RNF152: variants seen among roughly 807,000 people sequenced by gnomAD.
The protein encoded by RNF152 is ring finger protein 152, also known as E3 ubiquitin-protein ligase RNF152.
RNF152 carries 11 observed loss-of-function variants against 12.7 expected under a neutral mutation model. That is an observed-to-expected ratio of 0.86 (90% CI 0.54 to 1.43). The LOEUF is 1.43. Ranked by LOEUF, RNF152 falls within the 40% of genes most tolerant of loss-of-function variation. RNF152 has a pLI of 0.00. For missense variants in RNF152, 255 were observed against 274.8 expected (o/e 0.93, Z 0.51); for synonymous variants, 113 against 120.3 (o/e 0.94, Z 0.40).
intron 1 of RNF152, among the ~76,000 whole-genome samples, chr18:61,831,459 G>A (rs865838496): frequency 6.6e-6 from 1 of 152,062 alleles, no homozygotes; most frequent in Non-Finnish European, 1.5e-5. Context: ...ATTCAATAAC[G>A]CCAGGATGAA....
At chr18:61,829,597 GGAGAGA>G (rs111850940) in intron 1 of RNF152, among the ~76,000 whole-genome samples, 3 of 142,196 alleles carry the variant, frequency 2.1e-5, no homozygotes, top group East Asian at 4.1e-4. Flanking sequence ...AGAGAGATAA[GGAGAGA>G]GAGAGAGAGA....
At position 61,811,780 on chromosome 18, in the gene RNF152, T is replaced by C. The variant is rs1239880996; in HGVS notation, c.*4072A>G. ...CATTTACTTTTTGGCCACAAGACCC[T>C]AGACACAATTTCACAGTACAGATCA... On this transcript the variant is annotated 3_prime_UTR_variant, in exon 2 of 2. Coordinates refer to ENST00000312828, the MANE Select transcript of RNF152 (RefSeq NM_173557.3). 1 of 152,202 alleles carries C rather than the reference T, an allele frequency of 6.6e-6. No homozygotes were observed. The highest frequency in any genetic ancestry group is 1.5e-5 in the Non-Finnish European group (1 of 68,040). 9.4% of individuals were successfully genotyped at this position (152,202 alleles called of 1,614,324 possible).
At chr18:61,821,523 C>G (rs1457589269) in intron 1 of RNF152, among the ~76,000 whole-genome samples, 2 of 152,168 alleles carry the variant, frequency 1.3e-5, no homozygotes, top group African/African-American at 2.4e-5. Context: ...TAAAGATGTG[C>G]ATCAACTATA....
Position 61,885,230 on chromosome 18 carries a change from T to G in RNF152, c.-136+7565A>C, listed in dbSNP as rs572486743. On this transcript the variant is annotated intron_variant, in intron 1 of 1. Coordinates refer to ENST00000312828, the MANE Select transcript of RNF152 (RefSeq NM_173557.3). ...CAAACCTACCCCAGAACAACACAAC[T>G]GCAAAAGAATATCACAACAAATACT... Among the ~76,000 whole-genome samples, 3 of 152,328 alleles carry G rather than the reference T, an allele frequency of 2.0e-5. No individual in the cohort carries two copies. The East Asian group carries it at 5.8e-4, about 29-fold the overall frequency.
intron 1 of RNF152, among the ~76,000 whole-genome samples, chr18:61,852,680 T>C (rs1911040532): frequency 6.6e-6 from 1 of 152,186 alleles, no homozygotes; most frequent in African/African-American, 2.4e-5. Context: ...GTGCTGTGGT[T>C]TGGCTTCCTG....
intron 1 of RNF152, among the ~76,000 whole-genome samples, chr18:61,858,448 C>T (rs1911322196): frequency 6.6e-6 from 1 of 152,094 alleles, no homozygotes; most frequent in African/African-American, 2.4e-5. Flanking sequence ...AACCGTATAC[C>T]CTAGGATGAG....
upstream of RNF152, among the ~76,000 whole-genome samples, chr18:61,893,961 G>C (rs1453873288): frequency 6.6e-6 from 1 of 151,584 alleles, no homozygotes; most frequent in Non-Finnish European, 1.5e-5. Flanking sequence ...CCCTCCCCGG[G>C]ACCCTGCGGC....
At chr18:61,873,577 C>T (rs2144741830) in intron 1 of RNF152, among the ~76,000 whole-genome samples, 1 of 152,194 alleles carries the variant, frequency 6.6e-6, no homozygotes, top group Non-Finnish European at 1.5e-5. Flanking sequence ...TCAGGTGATC[C>T]ACCCACCTCA....
At chr18:61,872,342 G>C (rs1326989021) in intron 1 of RNF152, among the ~76,000 whole-genome samples, 1 of 152,168 alleles carries the variant, frequency 6.6e-6, no homozygotes, top group African/African-American at 2.4e-5. Flanking sequence ...ACCACATCAG[G>C]TAGCAAACCT....
intron 1 of RNF152, among the ~76,000 whole-genome samples, chr18:61,825,451 G>C (rs1396058755): frequency 6.6e-6 from 1 of 152,224 alleles, no homozygotes; most frequent in Non-Finnish European, 1.5e-5. Context: ...CCACTCCAGA[G>C]ATACTGGAGA....
chr18:61,816,395 G>A lies in RNF152; in HGVS notation c.69C>T (p.Arg23=), dbSNP rs1909091386. ...QICFNYYSPR[R]RPKLLDCKHT... ...GCTTGCAGTCCAGCAACTTGGGCCT[G>A]CGCCGGGGGCTGTAGTAATTGAAAC... Residue 23 remains arginine, a synonymous_variant, in exon 2 of 2, where the codon CGC becomes CGT. Transcript: ENST00000312828. 6.2e-7 allele frequency: 1 copy of A among 1,614,108 alleles called. No homozygotes were observed. Among genetic ancestry groups the A allele is most frequent in the African/African-American group, 1.3e-5 (1 of 75,082 alleles).
intron 1 of RNF152, among the ~76,000 whole-genome samples, chr18:61,883,521 T>C (rs1258397323): frequency 6.6e-6 from 1 of 152,192 alleles, no homozygotes; most frequent in East Asian, 1.9e-4. Context: ...CTACTAACAA[T>C]GTTAGATCTC....
At chr18:61,869,246 C>G (rs558883608) in intron 1 of RNF152, among the ~76,000 whole-genome samples, 17 of 152,284 alleles carry the variant, frequency 1.1e-4, no homozygotes, top group African/African-American at 3.8e-4. Context: ...ACTGCTAACT[C>G]CACAAAATCA....
chr18:61,846,231 CT>C (rs1366976184), intron 1 of RNF152, among the ~76,000 whole-genome samples: 1 of 152,176 alleles, frequency 6.6e-6, no homozygotes, highest in Non-Finnish European at 1.5e-5. Flanking sequence ...TTGTTCTTGC[CT>C]TTTCCTCAAT....
In RNF152 at chr18:61,814,579, A is replaced by G. The variant is rs1397749584; in HGVS notation, c.*1273T>C. 1 of 152,220 alleles carries G rather than the reference A, an allele frequency of 6.6e-6. No homozygotes were observed. Among genetic ancestry groups the G allele is most frequent in the Admixed American group, 6.5e-5 (1 of 15,286 alleles). 9.4% of individuals were successfully genotyped at this position (152,220 alleles called of 1,614,324 possible). ...CAGTTTATGAGGAACTGGTCCACTT[A>G]TATTGGGAATTTGAGCTGTTAGTTT... On this transcript the variant is annotated 3_prime_UTR_variant, in exon 2 of 2. Transcript: ENST00000312828.
At chr18:61,825,488 T>C (rs971262645) in intron 1 of RNF152, among the ~76,000 whole-genome samples, 44 of 152,212 alleles carry the variant, frequency 2.9e-4, no homozygotes, top group African/African-American at 1.1e-3. Context: ...GGAAGGACAG[T>C]GGCATTTCCT....
intron 1 of RNF152, among the ~76,000 whole-genome samples, chr18:61,817,068 C>T (rs748290322): frequency 3.9e-5 from 6 of 152,232 alleles, no homozygotes; most frequent in Non-Finnish European, 8.8e-5. Context: ...TAGGCAACTT[C>T]ACAAACCTAG....
intron 1 of RNF152, among the ~76,000 whole-genome samples, chr18:61,836,210 G>C (rs1910175789): frequency 6.6e-6 from 1 of 152,076 alleles, no homozygotes; most frequent in African/African-American, 2.4e-5. Context: ...AGTGAGCCTG[G>C]AATGTCCTTT....
At chr18:61,841,609 T>C (rs1366185052) in intron 1 of RNF152, among the ~76,000 whole-genome samples, 2 of 152,178 alleles carry the variant, frequency 1.3e-5, no homozygotes, top group African/African-American at 2.4e-5. Flanking sequence ...TCTGAGAAAG[T>C]GATAAGGCTC....
Sources: gnomAD v4.1 joint callset for allele counts (sites outside exome capture counted in the v4.1 genomes callset) on GRCh38, gnomAD v4.1.1 for gene constraint, MANE v1.5 for transcripts, NCBI Gene and HGNC (gene_info 2026-07-23, HGNC 2026-07-21) for gene names.